SIMC1: variants seen among roughly 807,000 people sequenced by gnomAD.
SIMC1 encodes the protein SUMO interacting motifs containing 1.
Under a neutral mutation model 82.3 loss-of-function variants are expected in SIMC1, and 55 were observed. The observed-to-expected ratio is 0.67, with a 90% CI of 0.54 to 0.84. The LOEUF (loss-of-function observed/expected upper bound fraction) is 0.84, where lower values mean the gene tolerates loss of function less well. Among genes scored for constraint, SIMC1 ranks in the 40% least tolerant of loss-of-function variants. SIMC1 has a pLI of 0.00. For synonymous variants in SIMC1, 353 were observed against 426.3 expected (o/e 0.83, Z 2.12); for missense variants, 915 against 1,107.2 (o/e 0.83, Z 2.46).
At chr5:176,338,168 C>T (rs1765986393) in intron 9 of SIMC1, among the ~76,000 whole-genome samples, 1 of 152,156 alleles carries the variant, frequency 6.6e-6, no homozygotes, top group African/African-American at 2.4e-5. Context: ...CAGACAAAAC[C>T]AGATTGAGTG....
chr5:176,270,567 C>T (rs6890875), intron 1 of SIMC1: 20,702 of 152,108 alleles, frequency 0.14, 1,450 homozygotes, highest in Middle Eastern at 0.2. Context: ...GAAAGAGGCA[C>T]TGAAGAGGTT....
chr5:176,277,525 T>C (rs984508727), intron 1 of SIMC1, among the ~76,000 whole-genome samples: 3 of 152,064 alleles, frequency 2.0e-5, no homozygotes, highest in African/African-American at 4.8e-5. Context: ...TCCTTGCCCA[T>C]GCCTATGTCC....
intron 1 of SIMC1, among the ~76,000 whole-genome samples, chr5:176,284,542 T>G (rs1763177496): frequency 6.6e-6 from 1 of 152,178 alleles, no homozygotes; most frequent in Non-Finnish European, 1.5e-5. Flanking sequence ...GAGGGAAATT[T>G]ATAGCACTAA....
chr5:176,260,942 A>C (rs2560147), intron 1 of SIMC1: 4 of 152,300 alleles, frequency 2.6e-5, no homozygotes, highest in East Asian at 3.8e-4. Flanking sequence ...AGGTGAACTC[A>C]AATTTAGTGA....
chr5:176,338,091 A>G (rs147774753), intron 9 of SIMC1, among the ~76,000 whole-genome samples: 33 of 152,350 alleles, frequency 2.2e-4, no homozygotes, highest in African/African-American at 7.7e-4. Flanking sequence ...ACGGAGAAGG[A>G]TGCATCATCA....
intron 7 of SIMC1, among the ~76,000 whole-genome samples, chr5:176,328,457 A>T (rs1036729079): frequency 2.6e-5 from 4 of 151,976 alleles, no homozygotes; most frequent in African/African-American, 9.7e-5. Context: ...GGTGGTAAAC[A>T]CTTCCCTGAG....
intron 1 of SIMC1, among the ~76,000 whole-genome samples, chr5:176,281,418 T>C (rs1251382484): frequency 6.6e-6 from 1 of 152,234 alleles, no homozygotes; most frequent in African/African-American, 2.4e-5. Flanking sequence ...GAAACCTTCT[T>C]CTCTCAACTC....
chr5:176,305,519 T>G (rs1394246610), intron 4 of SIMC1, among the ~76,000 whole-genome samples: 2 of 69,446 alleles, frequency 2.9e-5, no homozygotes, highest in South Asian at 5.2e-4. Context: ...CCACCCCGTC[T>G]GGGAGGGAGG....
rs1187045658 is a variant in SIMC1 at position 176,290,948 on chromosome 5, CAA to C, written c.1425_1426del (p.Asn478GlnfsTer21). ...CAGACGCTAATACCGGATAAAGACACAAGAGAGGTGAGCTAACATCTTCCCTC... is the reference window on the plus strand; with the variant it reads ...CAGACGCTAATACCGGATAAAGACACGAGAGGTGAGCTAACATCTTCCCTC... On this transcript the variant is annotated frameshift_variant, in exon 2 of 10. Coordinates refer to ENST00000429602, the MANE Select transcript of SIMC1 (RefSeq NM_001308195.2). LOFTEE classifies it high-confidence loss of function. 110 of 1,580,478 alleles carry C rather than the reference CAA, an allele frequency of 7.0e-5. No individual in the cohort carries two copies. The highest frequency in any genetic ancestry group is 1.1e-4 in the East Asian group (5 of 44,416).
In SIMC1 at chr5:176,274,364, C is replaced by G. The variant is rs562200400; in HGVS notation, c.130-15290C>G. On this transcript the variant is annotated intron_variant, in intron 1 of 9. Coordinates refer to ENST00000429602, the MANE Select transcript of SIMC1 (RefSeq NM_001308195.2). ...TTTTGATGGGGTTGTTTGTTTTTTT[C>G]TTGTAAATTTGCTTGAGTTCATTGT... 3.6e-3 allele frequency among the ~76,000 whole-genome samples: 549 copies of G among 150,552 alleles called. 4 individuals carry two copies. The highest frequency in any genetic ancestry group is 0.013 in the African/African-American group (522 of 41,080).
chr5:176,247,072 T>A (rs1358919280), intron 1 of SIMC1, among the ~76,000 whole-genome samples: 1 of 152,132 alleles, frequency 6.6e-6, no homozygotes, highest in Non-Finnish European at 1.5e-5. Context: ...TAAACATACA[T>A]GTGCATGTGT....
chr5:176,241,958 G>A (rs577125397), intron 1 of SIMC1, among the ~76,000 whole-genome samples: 4 of 152,170 alleles, frequency 2.6e-5, no homozygotes, highest in Admixed American at 2.6e-4. Flanking sequence ...TGTTTCTTGA[G>A]AGCACATCCA....
intron 4 of SIMC1, among the ~76,000 whole-genome samples, chr5:176,297,993 G>C (rs541892413): frequency 6.6e-6 from 1 of 152,184 alleles, no homozygotes; most frequent in African/African-American, 2.4e-5. Flanking sequence ...CAATCTGGGA[G>C]ACATCTGCAA....
At chr5:176,321,414 G>C (rs1280494018) in intron 5 of SIMC1, among the ~76,000 whole-genome samples, 1 of 151,262 alleles carries the variant, frequency 6.6e-6, no homozygotes, top group Non-Finnish European at 1.5e-5. Context: ...CTGCACTCCA[G>C]CCTGGCGACA....
At chr5:176,313,110 C>A in intron 4 of SIMC1, 1 of 245,770 alleles carries the variant, frequency 4.1e-6, no homozygotes, top group Non-Finnish European at 7.6e-6. Flanking sequence ...GAATACCCAA[C>A]TCAGGCTTGG....
intron 1 of SIMC1, among the ~76,000 whole-genome samples, chr5:176,279,819 T>G (rs1263043972): frequency 2.0e-5 from 3 of 152,144 alleles, no homozygotes; most frequent in African/African-American, 4.8e-5. Context: ...TCTAGTTTGA[T>G]TGCACTGTGG....
chr5:176,284,391 A>G (rs1248026904), intron 1 of SIMC1, among the ~76,000 whole-genome samples: 2 of 150,910 alleles, frequency 1.3e-5, no homozygotes, highest in African/African-American at 4.9e-5. Context: ...GCTCAACTAC[A>G]TGGAAACTGA....
chr5:176,242,446 A>G (rs1187792586), intron 1 of SIMC1, among the ~76,000 whole-genome samples: 1 of 151,608 alleles, frequency 6.6e-6, no homozygotes, highest in Non-Finnish European at 1.5e-5. Flanking sequence ...AATGGATAAA[A>G]TAGGCTAGTA....
At chr5:176,251,644 G>T (rs907929349) in intron 1 of SIMC1, among the ~76,000 whole-genome samples, 1 of 151,456 alleles carries the variant, frequency 6.6e-6, no homozygotes, top group Admixed American at 6.6e-5. Flanking sequence ...GATTTGGCAG[G>T]GTCATAGGAC....
Sources: allele counts gnomAD v4.1 joint callset (sites outside exome capture counted in the v4.1 genomes callset), GRCh38; gene constraint gnomAD v4.1.1; transcripts MANE v1.5; gene names NCBI Gene and HGNC (gene_info 2026-07-23, HGNC 2026-07-21).